DNER: variants seen among roughly 807,000 people sequenced by gnomAD.
The protein encoded by DNER is delta and Notch-like epidermal growth factor-related receptor.
Under a neutral mutation model 78.2 loss-of-function variants are expected in DNER, and 33 were observed. The observed-to-expected ratio is 0.42, with a 90% CI of 0.32 to 0.56. DNER has a LOEUF of 0.56. Ranked by LOEUF, DNER falls within the 20% of genes least tolerant of loss-of-function variation. The pLI is 0.11. For missense variants in DNER, 918 were observed against 975.3 expected, an observed-to-expected ratio of 0.94 and a Z score of 0.78; for synonymous variants, 417 against 384.8, an observed-to-expected ratio of 1.08 and a Z score of -0.98.
intron 4 of DNER, among the ~76,000 whole-genome samples, chr2:229,572,684 A>G (rs1697236824): frequency 6.6e-6 from 1 of 152,216 alleles, no homozygotes; most frequent in Non-Finnish European, 1.5e-5. Flanking sequence ...TTAAGAAAGC[A>G]GGTGCCAAAC....
chr2:229,388,128 C>A, intron 11 of DNER, 137 bp downstream of exon 11: 8 of 1,280,802 alleles, frequency 6.2e-6, no homozygotes, highest in Non-Finnish European at 8.3e-6. Context: ...TCCGGTTGTC[C>A]CTCTGGGACT....
rs201515842 is a variant in DNER at position 229,422,057 on chromosome 2, TG to T, written c.1487-3828del. On this transcript the variant is annotated intron_variant, in intron 8 of 12. Transcript: ENST00000341772. ...TTAAGCTGGTGATGTTTTTCTTCCT[TG>T]GGGGGGAAAAAAGATAAAGTTTTCA... is the stretch of plus-strand genomic sequence containing the variant. 3.9e-5 allele frequency among the ~76,000 whole-genome samples: 6 copies of T among 152,064 alleles called. No homozygotes were observed. In the South Asian group the frequency reaches 6.2e-4, roughly 16 times the overall value.
Position 229,418,313 on chromosome 2 carries a change from G to A in DNER, c.1487-83C>T, listed in dbSNP as rs372150129. 2.2e-5 allele frequency: 34 copies of A among 1,576,130 alleles called. No homozygotes were observed. In the African/African-American group the frequency reaches 3.2e-4, roughly 15 times the overall value. On this transcript the variant is annotated intron_variant, in intron 8 of 12. Coordinates refer to ENST00000341772, the MANE Select transcript of DNER (RefSeq NM_139072.4). ...GACCAGCCTGCAAGGAAGGCAGTTG[G>A]GGGTATTCATTAGAAAGTATGGTAT...
intron 4 of DNER, among the ~76,000 whole-genome samples, chr2:229,578,238 C>A (rs1697336139): frequency 6.6e-6 from 1 of 152,140 alleles, no homozygotes; most frequent in South Asian, 2.1e-4. Context: ...CCTGTCTCCT[C>A]CCATCTCGTC....
At chr2:229,524,524 C>T (rs1255588162) in intron 5 of DNER, among the ~76,000 whole-genome samples, 1 of 152,188 alleles carries the variant, frequency 6.6e-6, no homozygotes, top group East Asian at 1.9e-4. Context: ...GGTCCTCCTT[C>T]CCAGTTCCTG....
At chr2:229,475,347 C>G (rs1481301799) in intron 7 of DNER, among the ~76,000 whole-genome samples, 1 of 152,214 alleles carries the variant, frequency 6.6e-6, no homozygotes, top group East Asian at 1.9e-4. Flanking sequence ...TGCCTGCTTC[C>G]ACCTGCTGTC....
intron 5 of DNER, among the ~76,000 whole-genome samples, chr2:229,541,860 A>G (rs1405202260): frequency 6.9e-6 from 1 of 144,700 alleles, no homozygotes; most frequent in East Asian, 2.0e-4. Flanking sequence ...ATGTGATTAT[A>G]TATAATTTAT....
rs931687768 is a variant in DNER at position 229,515,016 on chromosome 2, T to C, written c.994-2080A>G. Among the ~76,000 whole-genome samples, 5 of 152,322 alleles carry C rather than the reference T, an allele frequency of 3.3e-5. No homozygotes were observed. The South Asian group carries it at 1.0e-3, about 32-fold the overall frequency. On this transcript the variant is annotated intron_variant, in intron 5 of 12. Coordinates refer to ENST00000341772, the MANE Select transcript of DNER (RefSeq NM_139072.4). Reference sequence around the variant, plus strand: ...GATATCTTAGAAGCTAAAACAATTATAATTTTTTTTAAAAAAATCCTTTCT... The same window carrying C: ...GATATCTTAGAAGCTAAAACAATTACAATTTTTTTTAAAAAAATCCTTTCT...
At chr2:229,543,841 A>G (rs1327684046) in intron 5 of DNER, among the ~76,000 whole-genome samples, 1 of 152,184 alleles carries the variant, frequency 6.6e-6, no homozygotes, top group Admixed American at 6.5e-5. Context: ...AACTATGACA[A>G]AACTGAGTAT....
At chr2:229,398,107 A>AATTGACAAAACTCTAGCAAG (rs1693189754) in intron 10 of DNER, among the ~76,000 whole-genome samples, 1 of 152,112 alleles carries the variant, frequency 6.6e-6, no homozygotes, top group Non-Finnish European at 1.5e-5. Flanking sequence ...AGATTAACAA[A>AATTGACAAAACTCTAGCAAG]ATTGACAAAA....
At chr2:229,571,244 C>G (rs968539515) in intron 4 of DNER, among the ~76,000 whole-genome samples, 9 of 151,952 alleles carry the variant, frequency 5.9e-5, no homozygotes, top group Middle Eastern at 3.2e-3. Context: ...GGCCTGGGCC[C>G]GATGTGCAGG....
chr2:229,665,697 G>A (rs988606366), intron 1 of DNER, among the ~76,000 whole-genome samples: 1 of 151,960 alleles, frequency 6.6e-6, no homozygotes, highest in South Asian at 2.1e-4. Flanking sequence ...TGCATAGCTG[G>A]ATTCAAAGTC....
chr2:229,481,034 G>A (rs967800238), intron 6 of DNER, among the ~76,000 whole-genome samples: 2 of 152,164 alleles, frequency 1.3e-5, no homozygotes, highest in Admixed American at 1.3e-4. Flanking sequence ...TAGGACCACT[G>A]AGCATTCTCA....
At chr2:229,648,254 G>T (rs1036360642) in intron 1 of DNER, among the ~76,000 whole-genome samples, 3 of 152,170 alleles carry the variant, frequency 2.0e-5, no homozygotes, top group Non-Finnish European at 2.9e-5. Flanking sequence ...GATCATGTTT[G>T]CAACCCAGGA....
At chr2:229,593,283 T>A (rs1269586842) in intron 1 of DNER, among the ~76,000 whole-genome samples, 1 of 152,198 alleles carries the variant, frequency 6.6e-6, no homozygotes, top group Non-Finnish European at 1.5e-5. Context: ...TAGCCTACTG[T>A]CCTCACCCTG....
At chr2:229,645,889 A>T (rs949424220) in intron 1 of DNER, among the ~76,000 whole-genome samples, 3 of 152,212 alleles carry the variant, frequency 2.0e-5, no homozygotes, top group Admixed American at 2.0e-4. Context: ...CAGAGCAGAC[A>T]CAAACAACTA....
chr2:229,584,256 GTGC>G (rs1159484484), intron 4 of DNER, among the ~76,000 whole-genome samples: 1 of 152,134 alleles, frequency 6.6e-6, no homozygotes, highest in African/African-American at 2.4e-5. Flanking sequence ...TGAGAGACAG[GTGC>G]TGCTAGGAGG....
chr2:229,583,930 T>A (rs1697448730), intron 4 of DNER, among the ~76,000 whole-genome samples: 1 of 152,220 alleles, frequency 6.6e-6, no homozygotes, highest in African/African-American at 2.4e-5. Context: ...CTCTTTACCT[T>A]CTTTTCACCC....
At position 229,388,266 on chromosome 2, in the gene DNER, G is replaced by A. The variant is rs754286370; in HGVS notation, c.1854C>T (p.Ile618=). The part of the protein sequence containing the change: ...PHGWVGANCE[I]HLQWKSGHMA... Reference sequence around the variant, plus strand: ...TGGCTGAGCTGCAGAAATACTTACGGATCTCACAGTTTGCTCCCACCCAAC... The same window carrying A: ...TGGCTGAGCTGCAGAAATACTTACGAATCTCACAGTTTGCTCCCACCCAAC... Residue 618 remains isoleucine (I), a splice_region_variant and synonymous_variant, in exon 11 of 13, where the codon ATC becomes ATT. Coordinates refer to ENST00000341772, the MANE Select transcript of DNER (RefSeq NM_139072.4). 3.1e-6 allele frequency: 5 copies of A among 1,606,490 alleles called. No individual in the cohort carries two copies. Among genetic ancestry groups the A allele is most frequent in the African/African-American group, 1.3e-5 (1 of 74,442 alleles).
Sources: allele counts gnomAD v4.1 joint callset (sites outside exome capture counted in the v4.1 genomes callset), GRCh38; gene constraint gnomAD v4.1.1; transcripts MANE v1.5; gene names NCBI Gene and HGNC (gene_info 2026-07-23, HGNC 2026-07-21).